TGFB2: variants seen among roughly 807,000 people sequenced by gnomAD.
TGFB2 encodes transforming growth factor beta 2, also known as transforming growth factor beta-2 proprotein.
In TGFB2, 13 loss-of-function variants were observed where a neutral mutation model predicts 42.7. That is an observed-to-expected ratio of 0.30 (90% CI 0.20 to 0.48). The LOEUF (loss-of-function observed/expected upper bound fraction) is 0.48, where lower values mean the gene tolerates loss of function less well. Ranked by LOEUF, TGFB2 falls within the 20% of genes least tolerant of loss-of-function variation. TGFB2 has a pLI of 0.99. For synonymous variants in TGFB2, 193 were observed against 193.6 expected (o/e 1.00, Z 0.03); for missense variants, 390 against 517.5 (o/e 0.75, Z 2.39).
intron 1 of TGFB2, among the ~76,000 whole-genome samples, chr1:218,352,330 A>G (rs1298032795): frequency 6.6e-6 from 1 of 152,164 alleles, no homozygotes; most frequent in Non-Finnish European, 1.5e-5. Flanking sequence ...GGTGGATTCC[A>G]TTTTGCAGAT....
At chr1:218,399,726 T>A (rs1658650013) in intron 1 of TGFB2, among the ~76,000 whole-genome samples, 1 of 152,122 alleles carries the variant, frequency 6.6e-6, no homozygotes, top group African/African-American at 2.4e-5. Flanking sequence ...ATGTATAAAC[T>A]GCCCCAGGAC....
chr1:218,395,666 C>T lies in TGFB2; in HGVS notation c.347-9503C>T, dbSNP rs192162549. Reference sequence around the variant, plus strand: ...TCGCTCTGTCGCCCAGGCTGGAGTGCAGTGGCGCAATCTCGGCTCACTGCA... The same window carrying T: ...TCGCTCTGTCGCCCAGGCTGGAGTGTAGTGGCGCAATCTCGGCTCACTGCA... On this transcript the variant is annotated intron_variant, in intron 1 of 6. Transcript: ENST00000366930. Among the ~76,000 whole-genome samples, 27 of 148,076 alleles carry T rather than the reference C, an allele frequency of 1.8e-4. No homozygotes were observed. In the East Asian group the frequency reaches 5.4e-3, roughly 29 times the overall value.
chr1:218,370,397 A>G (rs1392437248), intron 1 of TGFB2, among the ~76,000 whole-genome samples: 1 of 152,220 alleles, frequency 6.6e-6, no homozygotes, highest in Non-Finnish European at 1.5e-5. Context: ...ACACCAAGAA[A>G]TGCTTAGTGT....
At chr1:218,411,495 G>C (rs1039442401) in intron 2 of TGFB2, among the ~76,000 whole-genome samples, 1 of 152,138 alleles carries the variant, frequency 6.6e-6, no homozygotes, top group Admixed American at 6.5e-5. Context: ...TCCATGTGGT[G>C]TTCCCAGAAG....
chr1:218,443,005 T>C lies in TGFB2; in HGVS notation c.*1643T>C, dbSNP rs988254388. The C allele has an allele frequency of 2.6e-5, 4 of 152,178 alleles. No individual in the cohort carries two copies. The highest frequency in any genetic ancestry group is 5.9e-5 in the Non-Finnish European group (4 of 68,016). 9.4% of individuals were successfully genotyped at this position (152,178 alleles called of 1,614,324 possible). A position where few individuals can be genotyped will look rare whatever the true frequency, so the allele number is the denominator to read the frequency against. The stretch of plus-strand genomic sequence containing the variant: ...TAATATTCAGGGGGAAATTGAAAGA[T>C]ATATATTTTAGTCGATTTTTCAAAA... On this transcript the variant is annotated 3_prime_UTR_variant, in exon 7 of 7. Transcript: ENST00000366930.
intron 1 of TGFB2, among the ~76,000 whole-genome samples, chr1:218,376,165 G>A (rs547365008): frequency 2.0e-5 from 3 of 152,248 alleles, no homozygotes; most frequent in South Asian, 2.1e-4. Flanking sequence ...TACATCTCCC[G>A]TTAAGTGTTC....
At chr1:218,441,156 A>G (rs1660137433) in intron 6 of TGFB2, 48 bp from the exon 7 acceptor site, 3 of 1,547,746 alleles carry the variant, frequency 1.9e-6, no homozygotes, top group South Asian at 2.4e-5. Context: ...AATTGCGTTC[A>G]TTTTCCGTCT....
At chr1:218,426,182 G>T (rs1019518777) in intron 2 of TGFB2, among the ~76,000 whole-genome samples, 1 of 152,178 alleles carries the variant, frequency 6.6e-6, no homozygotes, top group Non-Finnish European at 1.5e-5. Flanking sequence ...GTCTCCTGTG[G>T]ATCTGTTGAT....
At chr1:218,435,716 A>G (rs1659948200) in intron 4 of TGFB2, among the ~76,000 whole-genome samples, 1 of 152,192 alleles carries the variant, frequency 6.6e-6, no homozygotes, top group Non-Finnish European at 1.5e-5. Flanking sequence ...AGTGACTTTC[A>G]TAACCAACAG....
rs1428478646 is a variant in TGFB2, at chr1:218,381,177, T to G, written c.347-23992T>G. Among the ~76,000 whole-genome samples, 5 of 152,312 alleles carry G rather than the reference T, an allele frequency of 3.3e-5. No individual in the cohort carries two copies. The South Asian group carries it at 8.3e-4, about 25-fold the overall frequency. On this transcript the variant is annotated intron_variant, in intron 1 of 6. Coordinates refer to ENST00000366930, the MANE Select transcript of TGFB2 (RefSeq NM_003238.6). ...TCGCAACTGCCCTGAAAGTTAGGTG[T>G]TGTTAACATTTTACAGACGAGGAAA...
intron 2 of TGFB2, among the ~76,000 whole-genome samples, chr1:218,414,211 A>T (rs1347182867): frequency 2.7e-5 from 4 of 147,578 alleles, no homozygotes; most frequent in Admixed American, 2.1e-4. Flanking sequence ...TCTTTTTCCT[A>T]ACCCTAAACA....
intron 2 of TGFB2, among the ~76,000 whole-genome samples, chr1:218,426,105 C>T (rs1659614302): frequency 6.6e-6 from 1 of 152,202 alleles, no homozygotes; most frequent in Non-Finnish European, 1.5e-5. Context: ...AACCTGGTGT[C>T]AATTTTTCTC....
At chr1:218,410,362 A>T (rs1429787993) in intron 2 of TGFB2, among the ~76,000 whole-genome samples, 1 of 152,186 alleles carries the variant, frequency 6.6e-6, no homozygotes, top group Non-Finnish European at 1.5e-5. Context: ...GCTTCTGTTG[A>T]AGTCACTCTG....
intron 2 of TGFB2, among the ~76,000 whole-genome samples, chr1:218,431,830 A>T (rs897742772): frequency 6.6e-6 from 1 of 152,218 alleles, no homozygotes; most frequent in African/African-American, 2.4e-5. Context: ...TAGGTTAATT[A>T]TACCATTTAT....
At chr1:218,378,803 AG>A (rs1377099911) in intron 1 of TGFB2, among the ~76,000 whole-genome samples, 2 of 151,648 alleles carry the variant, frequency 1.3e-5, no homozygotes, top group Non-Finnish European at 2.9e-5. Flanking sequence ...AAGGGACCTG[AG>A]GAAACAATAT....
intron 2 of TGFB2, among the ~76,000 whole-genome samples, chr1:218,420,178 T>C (rs945806910): frequency 2.6e-5 from 4 of 152,204 alleles, no homozygotes; most frequent in African/African-American, 4.8e-5. Flanking sequence ...TTTCCCTCAA[T>C]GGCAGGAAAT....
intron 2 of TGFB2, among the ~76,000 whole-genome samples, chr1:218,424,376 G>GAT (rs1178734159): frequency 2.0e-5 from 3 of 152,200 alleles, no homozygotes; most frequent in African/African-American, 7.2e-5. Flanking sequence ...AACATTAACA[G>GAT]ATATATATGT....
intron 2 of TGFB2, among the ~76,000 whole-genome samples, chr1:218,409,378 T>C (rs926402237): frequency 6.6e-6 from 1 of 152,224 alleles, no homozygotes; most frequent in African/African-American, 2.4e-5. Flanking sequence ...ACCCACTCTT[T>C]ATCTCTTTGG....
At chr1:218,394,043 A>T (rs1428858549) in intron 1 of TGFB2, among the ~76,000 whole-genome samples, 2 of 151,818 alleles carry the variant, frequency 1.3e-5, no homozygotes, top group Non-Finnish European at 2.9e-5. Context: ...AGTAGCTGGG[A>T]TTACAGGTGC....
Sources: gnomAD v4.1 joint callset for allele counts (sites outside exome capture counted in the v4.1 genomes callset) on GRCh38, gnomAD v4.1.1 for gene constraint, MANE v1.5 for transcripts, NCBI Gene and HGNC (gene_info 2026-07-23, HGNC 2026-07-21) for gene names.